Variants in CYP2W1 observed in about 807,000 individuals in gnomAD.
CYP2W1 encodes the protein cytochrome P450 family 2 subfamily W member 1.
Under a neutral mutation model 44.9 loss-of-function variants are expected in CYP2W1, and 51 were observed. That is an observed-to-expected ratio of 1.14 (90% CI 0.91 to 1.43). The LOEUF is 1.43. Ranked by LOEUF, CYP2W1 falls within the 40% of genes most tolerant of loss-of-function variation. The probability of loss-of-function intolerance (pLI) is 0.00; values close to 1 mark genes in which losing one functional copy is unlikely to be tolerated. For missense variants in CYP2W1, 746 were observed against 700.0 expected, an observed-to-expected ratio of 1.07 and a Z score of -0.74; for synonymous variants, 383 against 338.3, an observed-to-expected ratio of 1.13 and a Z score of -1.45.
chr7:988,581 C>T (rs778171648), intron 8 of CYP2W1, 54 bp from the exon 9 acceptor site: 2 of 1,598,786 alleles, frequency 1.3e-6, no homozygotes, highest in Admixed American at 1.7e-5. Flanking sequence ...CCCACCCCTC[C>T]CCTCCAGGAG....
chr7:989,075 A>T lies in CYP2W1; in HGVS notation c.*253A>T. ...CCTGCCAGCCCCCAGGAGCGCCTCC[A>T]GGGCCCCGCCCACTCTCCCACCCCT... On this transcript the variant is annotated 3_prime_UTR_variant, in exon 9 of 9. Coordinates refer to ENST00000308919, the MANE Select transcript of CYP2W1 (RefSeq NM_017781.3). The T allele has an allele frequency of 2.2e-6, 1 of 454,790 alleles. No homozygotes were observed. The highest frequency in any genetic ancestry group is 3.9e-6 in the Non-Finnish European group (1 of 256,980). The allele number at this position is 454,790 out of a possible 1,614,324, so 28.2% of individuals were successfully genotyped here.
At chr7:988,201 G>A (rs888108117) in intron 7 of CYP2W1, 76 bp from the exon 8 acceptor site, 26 of 1,477,796 alleles carry the variant, frequency 1.8e-5, no homozygotes, top group Admixed American at 4.5e-5. Flanking sequence ...CTACATCCTG[G>A]AATGAAACTT....
At chr7:987,299 G>C (rs759025327) in intron 6 of CYP2W1, 48 bp from the exon 7 acceptor site, 1 of 1,520,158 alleles carries the variant, frequency 6.6e-7, no homozygotes, top group African/African-American at 1.4e-5. Flanking sequence ...GGGACCCCCA[G>C]GGACGAGGGA....
chr7:988,295 C>G lies in CYP2W1; in HGVS notation c.1162C>G (p.Leu388Val). 6.3e-7 allele frequency: 1 copy of G among 1,599,808 alleles called. No individual in the cohort carries two copies. Residue 388 changes from leucine to valine, a missense_variant, in exon 8 of 9, where the codon CTG becomes GTG. Leu to Val is a conservative substitution (Grantham distance 32). Coordinates refer to ENST00000308919, the MANE Select transcript of CYP2W1 (RefSeq NM_017781.3). ...LLPKGTPVIPLLTSVLLDETQ... is the reference protein window; with the variant it reads ...LLPKGTPVIPVLTSVLLDETQ... ...CCCACAGGGCACGCCCGTGATTCCCCTGCTGACCTCGGTGCTCCTGGATGA... is the reference window on the plus strand; with the variant it reads ...CCCACAGGGCACGCCCGTGATTCCCGTGCTGACCTCGGTGCTCCTGGATGA...
intron 2 of CYP2W1, 98 bp from the exon 3 acceptor site, chr7:984,852 C>A: frequency 6.8e-7 from 1 of 1,460,578 alleles, no homozygotes; most frequent in East Asian, 2.3e-5. Context: ...CCCAGCCAGT[C>A]TCGCTGCCCT....
Position 983,331 on chromosome 7 carries a change from C to T in CYP2W1, c.120C>T (p.Leu40=), listed in dbSNP as rs772820393. The change falls in exon 1 of 9, where the codon CTC becomes CTT. Residue 40 remains leucine (L), a synonymous_variant. Transcript: ENST00000308919. Reference sequence around the variant, plus strand: ...CCCCGGGGCCTCGCCCGCTGCCGCTCGTCGGGAACCTGCACTTGCTGCGTC... The same window carrying T: ...CCCCGGGGCCTCGCCCGCTGCCGCTTGTCGGGAACCTGCACTTGCTGCGTC... ...RWPPGPRPLP[L]VGNLHLLRLS... The T allele has an allele frequency of 7.1e-6, 11 of 1,539,206 alleles. No homozygotes were observed. Among genetic ancestry groups the T allele is most frequent in the South Asian group, 1.2e-5 (1 of 83,552 alleles).
rs1204733049 is a variant in CYP2W1, at chr7:984,950, G to C, written c.338G>C (p.Gly113Ala). 6.3e-7 allele frequency: 1 copy of C among 1,597,554 alleles called. No individual in the cohort carries two copies. Among genetic ancestry groups the C allele is most frequent in the African/African-American group, 1.3e-5 (1 of 74,858 alleles). ...AIFQLIQRGGGIFFSSGARWR... is the reference protein window; with the variant it reads ...AIFQLIQRGGAIFFSSGARWR... ...CACCACGCACTGTATCTGCCTACAG[G>C]CATCTTCTTCTCATCTGGGGCGCGC... is the stretch of plus-strand genomic sequence containing the variant. The change falls in exon 3 of 9, where the codon GGC becomes GCC. Residue 113 changes from glycine to alanine, a missense_variant and splice_region_variant. Transcript: ENST00000308919.
In CYP2W1 at chr7:985,235, G is replaced by A. The variant is rs61746347; in HGVS notation, c.557G>A (p.Arg186His). The change falls in exon 4 of 9, where the codon CGC becomes CAC. Residue 186 changes from arginine (R) to histidine (H), a missense_variant. Transcript: ENST00000308919. ...ATCACCTTCGCGCTCCTCTTCGGCC[G>A]CCGATTTGACTACCGGGACCCCGTG... Reference protein sequence around the residue: ...SNITFALLFGRRFDYRDPVFV... With the variant: ...SNITFALLFGHRFDYRDPVFV... The A allele has an allele frequency of 5.2e-3, 8,134 of 1,552,964 alleles. 335 individuals are homozygous for A. The African/African-American group carries it at 0.092, about 18-fold the overall frequency.
intron 7 of CYP2W1, 130 bp downstream of exon 7, chr7:987,661 A>C: frequency 3.2e-6 from 3 of 927,696 alleles, no homozygotes; most frequent in Non-Finnish European, 4.7e-6. Flanking sequence ...GGAGGCAATA[A>C]AGGGCGTCCA....
chr7:986,408 T>C (rs1848347010), intron 4 of CYP2W1: 1 of 599,874 alleles, frequency 1.7e-6, no homozygotes, highest in Non-Finnish European at 3.0e-6. Flanking sequence ...TGTGCAAACC[T>C]GCCTGGCTGT....
In CYP2W1 at chr7:984,356, C is replaced by T; in HGVS notation, c.175-56C>T. 2.7e-6 allele frequency: 4 copies of T among 1,467,418 alleles called. No individual in the cohort carries two copies. In the South Asian group the frequency reaches 3.7e-5, roughly 13 times the overall value. The allele number at this position is 1,467,418 out of a possible 1,614,324, so 90.9% of individuals were successfully genotyped here. On this transcript the variant is annotated intron_variant, in intron 1 of 8. Coordinates refer to ENST00000308919, the MANE Select transcript of CYP2W1 (RefSeq NM_017781.3). ...CAGCACAGGCCCGGCCTGAGGGGAC[C>T]TAAGGGGGGTCTTGTGGGTGAGGGC... is the stretch of plus-strand genomic sequence containing the variant.
At position 987,396 on chromosome 7, in the gene CYP2W1, C is replaced by G. The variant is rs751481845; in HGVS notation, c.1008C>G (p.Pro336=). Residue 336 remains proline (P), a synonymous_variant, in exon 7 of 9, where the codon CCC becomes CCG. Coordinates refer to ENST00000308919, the MANE Select transcript of CYP2W1 (RefSeq NM_017781.3). ...LDRVLGPGRT[P]RLEDQQALPY... is the part of the protein sequence containing the mutation. ...GCGTGCTGGGCCCTGGGCGGACTCC[C>G]CGGCTGGAGGACCAGCAGGCTCTGC... 23 of 1,595,090 alleles carry G rather than the reference C, an allele frequency of 1.4e-5. No homozygotes were observed. The highest frequency in any genetic ancestry group is 1.0e-4 in the Admixed American group (6 of 59,562).
intron 8 of CYP2W1, 55 bp from the exon 9 acceptor site, chr7:988,580 C>G (rs1482452870): frequency 3.8e-6 from 6 of 1,598,594 alleles, no homozygotes; most frequent in Non-Finnish European, 5.1e-6. Flanking sequence ...CCCCACCCCT[C>G]CCCTCCAGGA....
intron 1 of CYP2W1, among the ~76,000 whole-genome samples, chr7:984,093 G>T (rs867855635): frequency 1.3e-5 from 2 of 152,246 alleles, no homozygotes; most frequent in Admixed American, 6.5e-5. Flanking sequence ...CTTTCAGAAT[G>T]TGCCACCCCA....
At position 988,935 on chromosome 7, in the gene CYP2W1, T is replaced by C; in HGVS notation, c.*113T>C. 1 of 670,152 alleles carries C rather than the reference T, an allele frequency of 1.5e-6. No individual in the cohort carries two copies. Among genetic ancestry groups the C allele is most frequent in the South Asian group, 2.0e-5 (1 of 50,720 alleles). The allele number at this position is 670,152 out of a possible 1,614,324, so 41.5% of individuals were successfully genotyped here. ...ACTGCTCTGGGAGGGCCCTGAGGAC[T>C]CCCACCCTCACCCCCACCCCCACAG... On this transcript the variant is annotated 3_prime_UTR_variant, in exon 9 of 9. Coordinates refer to ENST00000308919, the MANE Select transcript of CYP2W1 (RefSeq NM_017781.3).
rs761936350 is a variant in CYP2W1, at chr7:984,519, G to A, written c.282G>A (p.Gln94=). 6.4e-7 allele frequency: 1 copy of A among 1,553,074 alleles called. No homozygotes were observed. Among genetic ancestry groups the A allele is most frequent in the Non-Finnish European group, 8.7e-7 (1 of 1,149,566 alleles). The part of the protein sequence containing the change: ...AVKEALAGPG[Q]ELADRPPIAI... ...AAGAGGCGCTGGCGGGCCCCGGGCA[G>A]GAGCTGGCCGACCGGCCTCCCATCG... Residue 94 remains glutamine (Q), a synonymous_variant, in exon 2 of 9, where the codon CAG becomes CAA. Coordinates refer to ENST00000308919, the MANE Select transcript of CYP2W1 (RefSeq NM_017781.3).
chr7:988,912 T>G lies in CYP2W1; in HGVS notation c.*90T>G. On this transcript the variant is annotated 3_prime_UTR_variant, in exon 9 of 9. Coordinates refer to ENST00000308919, the MANE Select transcript of CYP2W1 (RefSeq NM_017781.3). ...TCTCCTCCCACCCCACAGCTCGGAC[T>G]GCTCTGGGAGGGCCCTGAGGACTCC... 2 of 827,876 alleles carry G rather than the reference T, an allele frequency of 2.4e-6. No individual in the cohort carries two copies. The highest frequency in any genetic ancestry group is 3.6e-6 in the Non-Finnish European group (2 of 550,536). 51.3% of individuals were successfully genotyped at this position (827,876 alleles called of 1,614,324 possible).
At chr7:988,169 G>A (rs1045899392) in intron 7 of CYP2W1, 108 bp from the exon 8 acceptor site, 1 of 1,306,680 alleles carries the variant, frequency 7.7e-7, no homozygotes, top group Non-Finnish European at 1.0e-6. Flanking sequence ...GCTAACACCA[G>A]GTGTGGTGGG....
rs745401234 is a variant in CYP2W1 at position 988,694 on chromosome 7, G to A, written c.1345G>A (p.Gly449Ser). 3.9e-5 allele frequency: 62 copies of A among 1,599,846 alleles called. 1 individual carries two copies. The Admixed American group carries it at 8.3e-4, about 22-fold the overall frequency. ...ARTELFLLFA[G>S]LLQRYRLLPP... ...GACCGAGCTCTTCCTGCTGTTTGCC[G>A]GCCTCCTGCAGAGGTACCGCCTGCT... Residue 449 changes from glycine (G) to serine (S), a missense_variant, in exon 9 of 9, where the codon GGC (glycine) becomes AGC (serine). Physicochemically the swap from Gly to Ser is moderately conservative, Grantham distance 56 (BLOSUM62 0). Transcript: ENST00000308919.
Sources: allele counts gnomAD v4.1 joint callset (sites outside exome capture counted in the v4.1 genomes callset), GRCh38; gene constraint gnomAD v4.1.1; transcripts MANE v1.5; gene names NCBI Gene and HGNC (gene_info 2026-07-23, HGNC 2026-07-21).